The following TASP1 variants were observed in gnomAD, a reference collection of about 807,000 sequenced individuals.
TASP1 encodes taspase 1.
In TASP1, 16 loss-of-function variants were observed where a neutral mutation model predicts 56.6. The observed-to-expected ratio is 0.28, with a 90% confidence interval of 0.19 to 0.43. The LOEUF (loss-of-function observed/expected upper bound fraction) is 0.43. Among genes scored for constraint, TASP1 ranks in the 20% least tolerant of loss-of-function variants. The pLI, the probability that TASP1 is intolerant of heterozygous loss-of-function variation, is 1.00. For missense variants in TASP1, 393 were observed against 511.6 expected (o/e 0.77, Z 2.24); for synonymous variants, 179 against 184.2 (o/e 0.97, Z 0.23).
intron 4 of TASP1, among the ~76,000 whole-genome samples, chr20:13,618,429 A>G (rs890533314): frequency 3.3e-5 from 5 of 152,168 alleles, no homozygotes; most frequent in African/African-American, 9.7e-5. Flanking sequence ...AGCAAAAAAA[A>G]TGTAGAGATA....
the TASP1 span, among the ~76,000 whole-genome samples, chr20:13,347,766 C>T: frequency 6.6e-6 from 1 of 151,128 alleles, no homozygotes; most frequent in South Asian, 2.1e-4. Flanking sequence ...CGCTTGAATC[C>T]GGGGGGCAGA....
intron 11 of TASP1, among the ~76,000 whole-genome samples, chr20:13,468,701 T>C (rs886655890): frequency 1.3e-5 from 2 of 152,152 alleles, no homozygotes; most frequent in African/African-American, 4.8e-5. Context: ...AACATTATAA[T>C]TATGTGCTTT....
chr20:13,279,753 G>A, the TASP1 span: 7 of 1,613,892 alleles, frequency 4.3e-6, no homozygotes, highest in South Asian at 1.1e-5. Flanking sequence ...AGAGGTCCCT[G>A]TCCTTGGCCA....
chr20:13,301,045 C>T, the TASP1 span, among the ~76,000 whole-genome samples: 1 of 152,164 alleles, frequency 6.6e-6, no homozygotes, highest in Non-Finnish European at 1.5e-5. Context: ...AGACATTGGA[C>T]CCATCTTTCA....
intron 8 of TASP1, among the ~76,000 whole-genome samples, chr20:13,546,143 T>C (rs1455080595): frequency 1.3e-5 from 2 of 151,674 alleles, no homozygotes; most frequent in Non-Finnish European, 2.9e-5. Flanking sequence ...TGTACATAAA[T>C]AGCATTCAAT....
At chr20:13,499,367 C>T (rs1404894889) in intron 10 of TASP1, among the ~76,000 whole-genome samples, 1 of 151,748 alleles carries the variant, frequency 6.6e-6, no homozygotes, top group Non-Finnish European at 1.5e-5. Flanking sequence ...GTACTACACT[C>T]ACTACCTGGG....
At chr20:13,152,264 TGTCAAGAGCTTATA>T in the TASP1 span, among the ~76,000 whole-genome samples, 1 of 152,238 alleles carries the variant, frequency 6.6e-6, no homozygotes, top group Non-Finnish European at 1.5e-5. Context: ...AATCAATAAA[TGTCAAGAGCTTATA>T]ACAGTGGTGA....
At chr20:13,303,691 A>G in the TASP1 span, among the ~76,000 whole-genome samples, 86 of 152,336 alleles carry the variant, frequency 5.6e-4, no homozygotes, top group East Asian at 0.016. Flanking sequence ...AAGTTAATAC[A>G]TTGGCATTTA....
the TASP1 span, among the ~76,000 whole-genome samples, chr20:13,316,505 C>G: frequency 6.6e-6 from 1 of 151,856 alleles, no homozygotes; most frequent in Non-Finnish European, 1.5e-5. Flanking sequence ...TACTGACCAA[C>G]ATATCTCATG....
the TASP1 span, among the ~76,000 whole-genome samples, chr20:13,223,490 A>G: frequency 6.6e-6 from 1 of 152,230 alleles, no homozygotes; most frequent in Non-Finnish European, 1.5e-5. Flanking sequence ...AAACTTGTCA[A>G]AGTTCAGACA....
At chr20:13,477,066 G>A (rs936749844) in intron 11 of TASP1, among the ~76,000 whole-genome samples, 1 of 152,080 alleles carries the variant, frequency 6.6e-6, no homozygotes, top group African/African-American at 2.4e-5. Context: ...ATGAAATGAT[G>A]ATCACAGAGG....
At chr20:13,277,737 G>T in the TASP1 span, among the ~76,000 whole-genome samples, 628 of 151,826 alleles carry the variant, frequency 4.1e-3, 2 homozygotes, top group African/African-American at 0.014. Flanking sequence ...AAGGGTGGTG[G>T]CATGGGGTAA....
chr20:13,633,100 A>G (rs1481782676), intron 1 of TASP1, among the ~76,000 whole-genome samples: 2 of 152,224 alleles, frequency 1.3e-5, no homozygotes, highest in Non-Finnish European at 2.9e-5. Context: ...ATTAAGATAT[A>G]GCCCGAAAAA....
intron 8 of TASP1, among the ~76,000 whole-genome samples, chr20:13,544,110 C>A (rs1273388682): frequency 1.3e-5 from 2 of 152,082 alleles, no homozygotes; most frequent in Non-Finnish European, 2.9e-5. Context: ...GTCTATTGTT[C>A]AAAACAAACT....
chr20:13,637,791 A>G (rs911313640), intron 1 of TASP1, among the ~76,000 whole-genome samples: 1 of 152,216 alleles, frequency 6.6e-6, no homozygotes, highest in Non-Finnish European at 1.5e-5. Flanking sequence ...GGGGGTGATG[A>G]AAATGTTCTG....
the TASP1 span, among the ~76,000 whole-genome samples, chr20:13,358,535 T>G: frequency 1.3e-5 from 2 of 152,168 alleles, no homozygotes; most frequent in African/African-American, 4.8e-5. Context: ...CTCAACCACT[T>G]TCTCCTTTCC....
chr20:13,560,398 A>T (rs182815147), intron 7 of TASP1, among the ~76,000 whole-genome samples: 1 of 152,314 alleles, frequency 6.6e-6, no homozygotes, highest in East Asian at 1.9e-4. Context: ...GCATTCGACT[A>T]AATGGCATCA....
At chr20:13,527,644 A>G (rs750702653) in intron 10 of TASP1, among the ~76,000 whole-genome samples, 1 of 151,962 alleles carries the variant, frequency 6.6e-6, no homozygotes, top group Non-Finnish European at 1.5e-5. Flanking sequence ...GCACACACAC[A>G]CTTTGTACTA....
chr20:13,107,545 A>G, the TASP1 span, among the ~76,000 whole-genome samples: 4 of 152,202 alleles, frequency 2.6e-5, no homozygotes, highest in Non-Finnish European at 5.9e-5. Flanking sequence ...ATGTGAAAAG[A>G]ACACAATAGT....
Sources: allele counts gnomAD v4.1 joint callset (sites outside exome capture counted in the v4.1 genomes callset), GRCh38; gene constraint gnomAD v4.1.1; transcripts MANE v1.5; gene names NCBI Gene and HGNC (gene_info 2026-07-23, HGNC 2026-07-21).